Variants in NCKAP5 observed in about 807,000 individuals in gnomAD.
NCKAP5 encodes nck-associated protein 5.
NCKAP5 carries 92 observed loss-of-function variants against 167.0 expected under a neutral mutation model. The observed-to-expected ratio is 0.55, with a 90% CI of 0.47 to 0.66. The LOEUF is 0.66. NCKAP5 is among the 30% of genes least tolerant of loss of function. The pLI, the probability that NCKAP5 is intolerant of heterozygous loss-of-function variation, is 0.00. For missense variants in NCKAP5, 2,378 were observed against 2,315.0 expected, an observed-to-expected ratio of 1.03 and a Z score of -0.56; for synonymous variants, 891 against 877.4, an observed-to-expected ratio of 1.02 and a Z score of -0.27.
At chr2:133,673,886 A>G in the NCKAP5 span, among the ~76,000 whole-genome samples, 1 of 152,234 alleles carries the variant, frequency 6.6e-6, no homozygotes, top group Non-Finnish European at 1.5e-5. Flanking sequence ...CTACCGTGAC[A>G]AGCTAAGATA....
At position 132,935,058 on chromosome 2, in the gene NCKAP5, G is replaced by C. The variant is rs185306808; in HGVS notation, c.579+28662C>G. On this transcript the variant is annotated intron_variant, in intron 8 of 19. Coordinates refer to ENST00000409261, the MANE Select transcript of NCKAP5 (RefSeq NM_207363.3). The stretch of plus-strand genomic sequence containing the variant: ...TCCCAGCTACAAGAGATTGGTTCAG[G>C]GAAGAGTATTTAATTGATTTTAGGT... 4.4e-4 allele frequency among the ~76,000 whole-genome samples: 67 copies of C among 152,304 alleles called. 1 individual carries two copies. In the Middle Eastern group the frequency reaches 0.014, roughly 31 times the overall value.
chr2:133,537,537 G>A (rs1685858391), intron 2 of NCKAP5, among the ~76,000 whole-genome samples: 1 of 152,004 alleles, frequency 6.6e-6, no homozygotes, highest in African/African-American at 2.4e-5. Context: ...ATTCCTAGAT[G>A]TTTTATTCTT....
At chr2:133,179,271 T>G (rs1212471814) in intron 5 of NCKAP5, among the ~76,000 whole-genome samples, 1 of 151,530 alleles carries the variant, frequency 6.6e-6, no homozygotes, top group African/African-American at 2.4e-5. Context: ...TGTATTACAC[T>G]TACCAGTTGA....
chr2:132,784,381 T>C lies in NCKAP5; in HGVS notation c.2430A>G (p.Ser810=). 1 of 1,613,998 alleles carries C rather than the reference T, an allele frequency of 6.2e-7. No individual in the cohort carries two copies. The highest frequency in any genetic ancestry group is 8.5e-7 in the Non-Finnish European group (1 of 1,179,880). ...LTKIPPRGKS[S]PQKSKLMEPE... ...GCTCCATTAGTTTTGATTTCTGAGG[T>C]GAAGACTTGCCCCTGGGAGGTATTT... is the stretch of plus-strand genomic sequence containing the variant. The change falls in exon 14 of 20, where the codon TCA becomes TCG. Residue 810 remains serine, a synonymous_variant. Coordinates refer to ENST00000409261, the MANE Select transcript of NCKAP5 (RefSeq NM_207363.3).
At chr2:133,107,421 C>G (rs16848067) in intron 6 of NCKAP5, among the ~76,000 whole-genome samples, 2,696 of 152,270 alleles carry the variant, frequency 0.018, 84 homozygotes, top group African/African-American at 0.061. Flanking sequence ...TCAAAAGCAG[C>G]AGAGATCCCT....
At chr2:132,803,022 T>C (rs1401420216) in intron 11 of NCKAP5, among the ~76,000 whole-genome samples, 4 of 152,248 alleles carry the variant, frequency 2.6e-5, no homozygotes, top group Non-Finnish European at 4.4e-5. Flanking sequence ...GAGTATTATA[T>C]GGTCATTTCT....
intron 16 of NCKAP5, among the ~76,000 whole-genome samples, chr2:132,763,685 A>T (rs57961389): frequency 0.01 from 1,549 of 152,308 alleles, 26 homozygotes; most frequent in African/African-American, 0.036. Context: ...CCTTTTTCCG[A>T]CAGACAAAAG....
rs543629222 is a variant in NCKAP5, at chr2:132,869,055, C to T, written c.649-81G>A. On this transcript the variant is annotated intron_variant, in intron 9 of 19. Coordinates refer to ENST00000409261, the MANE Select transcript of NCKAP5 (RefSeq NM_207363.3). ...GACTCTAATTTACCAATAAGTTTCT[C>T]GCAGCTTATTGTAGCTAATTAGCTC... The T allele has an allele frequency of 4.8e-5, 50 of 1,031,856 alleles. No homozygotes were observed. In the African/African-American group the frequency reaches 7.0e-4, roughly 15 times the overall value. 63.9% of individuals were successfully genotyped at this position (1,031,856 alleles called of 1,614,324 possible).
In NCKAP5 at chr2:133,412,081, C is replaced by T. The variant is rs76842048; in HGVS notation, c.69+105377G>A. Among the ~76,000 whole-genome samples the T allele has an allele frequency of 1.5e-3, 232 of 152,278 alleles. 7 individuals are homozygous for T. In the East Asian group the frequency reaches 0.036, roughly 24 times the overall value. ...AGTAGTCACTGCTTTGGAGTGAATGCCTACGTACTCCCCGGATTTTATATG... is the reference window on the plus strand; with the variant it reads ...AGTAGTCACTGCTTTGGAGTGAATGTCTACGTACTCCCCGGATTTTATATG... On this transcript the variant is annotated intron_variant, in intron 3 of 19. Transcript: ENST00000409261.
At chr2:133,576,668 G>A in the NCKAP5 span, among the ~76,000 whole-genome samples, 4 of 152,274 alleles carry the variant, frequency 2.6e-5, no homozygotes, top group South Asian at 8.3e-4. Flanking sequence ...TCAAAGCATA[G>A]GCGCTGTTTG....
chr2:133,347,260 G>C (rs889663077), intron 3 of NCKAP5, among the ~76,000 whole-genome samples: 2 of 152,058 alleles, frequency 1.3e-5, no homozygotes, highest in South Asian at 2.1e-4. Flanking sequence ...TAATTATAAA[G>C]TATAAATATT....
chr2:133,626,548 G>C, the NCKAP5 span, among the ~76,000 whole-genome samples: 1 of 148,220 alleles, frequency 6.7e-6, no homozygotes, highest in African/African-American at 2.6e-5. Flanking sequence ...TTACTTATTT[G>C]AATTCTCATT....
chr2:132,877,146 C>T (rs1431612965), intron 9 of NCKAP5, among the ~76,000 whole-genome samples: 1 of 152,094 alleles, frequency 6.6e-6, no homozygotes, highest in African/African-American at 2.4e-5. Flanking sequence ...ACCACGAGCC[C>T]AGGGAGCAGT....
chr2:132,717,446 T>G (rs977079959), intron 19 of NCKAP5, among the ~76,000 whole-genome samples: 2 of 152,246 alleles, frequency 1.3e-5, no homozygotes, highest in African/African-American at 4.8e-5. Context: ...AGATGAATGC[T>G]TTAAAATAGA....
intron 2 of NCKAP5, among the ~76,000 whole-genome samples, chr2:133,549,359 A>G (rs1392744936): frequency 4.7e-5 from 7 of 149,000 alleles, no homozygotes; most frequent in Non-Finnish European, 1.0e-4. Flanking sequence ...AGCTCTCCTC[A>G]GCAAATGTAA....
chr2:132,915,570 G>C (rs1365079585), intron 8 of NCKAP5: 1 of 152,152 alleles, frequency 6.6e-6, no homozygotes, highest in Non-Finnish European at 1.5e-5. Context: ...ACAGCCCACT[G>C]GTTGGGGCAT....
chr2:132,725,544 G>A, intron 19 of NCKAP5, 83 bp downstream of exon 19: 1 of 1,448,952 alleles, frequency 6.9e-7, no homozygotes, highest in South Asian at 1.4e-5. Flanking sequence ...CAAAGAGGGT[G>A]GGGGCCGAGC....
chr2:133,093,583 G>T (rs76799968), intron 6 of NCKAP5, among the ~76,000 whole-genome samples: 1 of 152,072 alleles, frequency 6.6e-6, no homozygotes, highest in Admixed American at 6.5e-5. Context: ...ACACAGAACC[G>T]CTTCTCACTA....
At chr2:133,593,924 C>T in the NCKAP5 span, among the ~76,000 whole-genome samples, 1 of 152,192 alleles carries the variant, frequency 6.6e-6, no homozygotes, top group Admixed American at 6.5e-5. Context: ...CAGGAGTATC[C>T]ACAGACCCTC....
Sources: allele counts gnomAD v4.1 joint callset (sites outside exome capture counted in the v4.1 genomes callset), GRCh38; gene constraint gnomAD v4.1.1; transcripts MANE v1.5; gene names NCBI Gene and HGNC (gene_info 2026-07-23, HGNC 2026-07-21).